The following MARCHF4 variants were observed in gnomAD, a reference collection of about 807,000 sequenced individuals.
MARCHF4 encodes the protein E3 ubiquitin-protein ligase MARCHF4.
MARCHF4 carries 14 observed loss-of-function variants against 43.9 expected under a neutral mutation model. The ratio of observed to expected loss-of-function variants is 0.32; its 90% CI spans 0.21 to 0.50. The LOEUF is 0.50. MARCHF4 is among the 20% of genes least tolerant of loss of function. The pLI is 0.98. For synonymous variants in MARCHF4, 226 were observed against 213.3 expected (o/e 1.06, Z -0.52); for missense variants, 468 against 536.7 (o/e 0.87, Z 1.27).
chr2:216,322,475 G>A (rs540383820), intron 1 of MARCHF4, among the ~76,000 whole-genome samples: 77 of 152,338 alleles, frequency 5.1e-4, no homozygotes, highest in African/African-American at 1.7e-3. Context: ...ATGTATGTGT[G>A]CATACACACT....
At chr2:216,289,537 G>A (rs530547114) in intron 1 of MARCHF4, among the ~76,000 whole-genome samples, 283 of 152,236 alleles carry the variant, frequency 1.9e-3, no homozygotes, top group African/African-American at 6.4e-3. Flanking sequence ...AGCTGCAGAC[G>A]CCAGTCTCCA....
intron 1 of MARCHF4, among the ~76,000 whole-genome samples, chr2:216,296,040 G>A (rs1437938632): frequency 6.6e-6 from 1 of 152,236 alleles, no homozygotes; most frequent in African/African-American, 2.4e-5. Flanking sequence ...CAGCTACTAG[G>A]GGGGTTGAGG....
At chr2:216,270,400 T>A (rs1003071932) in intron 3 of MARCHF4, among the ~76,000 whole-genome samples, 1 of 152,070 alleles carries the variant, frequency 6.6e-6, no homozygotes, top group South Asian at 2.1e-4. Context: ...AACCCTCTTT[T>A]ATCACCCGCC....
At chr2:216,366,286 A>C (rs1692664708) in intron 1 of MARCHF4, among the ~76,000 whole-genome samples, 1 of 152,238 alleles carries the variant, frequency 6.6e-6, no homozygotes, top group Non-Finnish European at 1.5e-5. Context: ...CAGAGAGTTC[A>C]GATTACTCAC....
rs986540064 is a variant in MARCHF4, at chr2:216,371,530, G to A, written c.-1270C>T. ...TGCTCGGCGTCCGGGTGTCTCCGGG[G>A]CGGGGGCTGCTCCGGCTCGTCCTCT... On this transcript the variant is annotated 5_prime_UTR_variant, in exon 1 of 4. Transcript: ENST00000273067. The A allele has an allele frequency of 6.6e-6, 1 of 152,408 alleles. No individual in the cohort carries two copies. Among genetic ancestry groups the A allele is most frequent in the African/African-American group, 2.4e-5 (1 of 41,460 alleles). 9.4% of individuals were successfully genotyped at this position (152,408 alleles called of 1,614,324 possible).
intron 1 of MARCHF4, among the ~76,000 whole-genome samples, chr2:216,343,064 A>C (rs1692259862): frequency 3.3e-5 from 5 of 152,192 alleles, no homozygotes; most frequent in Admixed American, 3.3e-4. Flanking sequence ...GGACTGGTGG[A>C]AAGTGAAGGC....
At chr2:216,357,941 A>G (rs879850959) in intron 1 of MARCHF4, among the ~76,000 whole-genome samples, 23 of 152,166 alleles carry the variant, frequency 1.5e-4, no homozygotes, top group Non-Finnish European at 3.2e-4. Context: ...GCTCCTTCTG[A>G]GGTCAGCAGC....
chr2:216,320,656 TTTCTTTCTTTC>T lies in MARCHF4; in HGVS notation c.517-36938_517-36928del, dbSNP rs1336854218. On this transcript the variant is annotated intron_variant, in intron 1 of 3. Transcript: ENST00000273067. ...CTTTCTTTCTTTCTTTCTTTCTTTC[TTTCTTTCTTTC>T]TTTCTTTCTTTTTTTTTTTTTGAGA... is the stretch of plus-strand genomic sequence containing the variant. Among the ~76,000 whole-genome samples the T allele has an allele frequency of 3.3e-5, 4 of 122,270 alleles. No individual in the cohort carries two copies. The East Asian group carries it at 8.9e-4, about 27-fold the overall frequency. 80.2% of individuals were successfully genotyped at this position (122,270 alleles called of 152,430 possible). A position where few individuals can be genotyped will look rare whatever the true frequency, so the allele number is the denominator to read the frequency against.
At position 216,264,136 on chromosome 2, in the gene MARCHF4, G is replaced by A. The variant is rs75283754; in HGVS notation, c.866-4457C>T. ...CACCCACAAGGCCACTTTCTCCTCC[G>A]GTGTTCAAACTGTGTCTGAAATCAT... On this transcript the variant is annotated intron_variant, in intron 3 of 3. Transcript: ENST00000273067. Among the ~76,000 whole-genome samples, 297 of 152,202 alleles carry A rather than the reference G, an allele frequency of 2.0e-3. 3 individuals carry two copies. Among genetic ancestry groups the A allele is most frequent in the African/African-American group, 7.0e-3 (291 of 41,522 alleles).
chr2:216,332,162 G>A (rs779387053), intron 1 of MARCHF4, among the ~76,000 whole-genome samples: 2 of 152,090 alleles, frequency 1.3e-5, no homozygotes, highest in African/African-American at 4.8e-5. Flanking sequence ...AGGCCAAGGC[G>A]AAAGGATCAC....
rs557634233 is a variant in MARCHF4, at chr2:216,278,286, C to T, written c.673-422G>A. Among the ~76,000 whole-genome samples the T allele has an allele frequency of 1.1e-3, 165 of 152,292 alleles. 1 individual carries two copies. Among genetic ancestry groups the T allele is most frequent in the Admixed American group, 2.2e-3 (34 of 15,306 alleles). ...TGTCGCCGGCTGGAGTGCAGTGGCA[C>T]GATCTCGGCTCATTGCAAGCTCCAC... On this transcript the variant is annotated intron_variant, in intron 2 of 3. Transcript: ENST00000273067.
At chr2:216,262,035 T>A (rs1690750063) in intron 3 of MARCHF4, among the ~76,000 whole-genome samples, 1 of 152,104 alleles carries the variant, frequency 6.6e-6, no homozygotes, top group African/African-American at 2.4e-5. Flanking sequence ...GGGAGAATGA[T>A]AGAAATGACA....
At chr2:216,266,306 C>T (rs905414078) in intron 3 of MARCHF4, among the ~76,000 whole-genome samples, 1 of 152,102 alleles carries the variant, frequency 6.6e-6, no homozygotes, top group Non-Finnish European at 1.5e-5. Context: ...GTAATGAGTC[C>T]TGCGTGCCAA....
chr2:216,271,753 C>T (rs1690942041), intron 3 of MARCHF4, among the ~76,000 whole-genome samples: 1 of 152,036 alleles, frequency 6.6e-6, no homozygotes, highest in Non-Finnish European at 1.5e-5. Flanking sequence ...GCAGGTGACT[C>T]TCTCATTTGA....
rs1030885058 is a variant in MARCHF4 at position 216,372,425 on chromosome 2, A to G, written c.-2165T>C. On this transcript the variant is annotated 5_prime_UTR_variant, in exon 1 of 4. Coordinates refer to ENST00000273067, the MANE Select transcript of MARCHF4 (RefSeq NM_020814.3). Reference sequence around the variant, plus strand: ...GACGCCGCGGAGGGATGGAGGAGGGAAAGGGGATGAGAGGAAAAGAAGCTG... The same window carrying G: ...GACGCCGCGGAGGGATGGAGGAGGGGAAGGGGATGAGAGGAAAAGAAGCTG... Among the ~76,000 whole-genome samples the G allele has an allele frequency of 6.6e-6, 1 of 151,410 alleles. No homozygotes were observed. Among genetic ancestry groups the G allele is most frequent in the African/African-American group, 2.4e-5 (1 of 41,070 alleles).
chr2:216,354,891 T>TCTTTC (rs1692458252), intron 1 of MARCHF4, among the ~76,000 whole-genome samples: 1 of 86,718 alleles, frequency 1.2e-5, no homozygotes. Flanking sequence ...TTAATAATTG[T>TCTTTC]TTTCTTTCTT....
chr2:216,299,607 C>T (rs937989134), intron 1 of MARCHF4, among the ~76,000 whole-genome samples: 18 of 152,210 alleles, frequency 1.2e-4, no homozygotes, highest in African/African-American at 4.1e-4. Flanking sequence ...CCTATCTTTT[C>T]ATGGTGAATG....
intron 1 of MARCHF4, among the ~76,000 whole-genome samples, chr2:216,355,015 A>G (rs1692479145): frequency 7.1e-6 from 1 of 140,026 alleles, no homozygotes; most frequent in Non-Finnish European, 1.5e-5. Flanking sequence ...TTTGTCACCC[A>G]GGCTAGAGTG....
chr2:216,357,662 C>T (rs1322260948), intron 1 of MARCHF4, among the ~76,000 whole-genome samples: 1 of 152,188 alleles, frequency 6.6e-6, no homozygotes, highest in Non-Finnish European at 1.5e-5. Flanking sequence ...TTGGAAAGTA[C>T]TGGCCAGTTA....
Sources: allele counts gnomAD v4.1 joint callset (sites outside exome capture counted in the v4.1 genomes callset), GRCh38; gene constraint gnomAD v4.1.1; transcripts MANE v1.5; gene names NCBI Gene and HGNC (gene_info 2026-07-23, HGNC 2026-07-21).